The following NGEF variants were observed in gnomAD, a reference collection of about 807,000 sequenced individuals.
The protein encoded by NGEF is ephexin-1.
Under a neutral mutation model 80.9 loss-of-function variants are expected in NGEF, and 31 were observed. The observed-to-expected ratio is 0.38, with a 90% CI of 0.29 to 0.52. NGEF has a LOEUF of 0.52. NGEF is among the 20% of genes least tolerant of loss of function. The pLI is 0.84. For synonymous variants in NGEF, 371 were observed against 370.2 expected, an observed-to-expected ratio of 1.00 and a Z score of -0.03; for missense variants, 709 against 926.2, an observed-to-expected ratio of 0.77 and a Z score of 3.04.
intron 3 of NGEF, among the ~76,000 whole-genome samples, chr2:232,944,002 G>C (rs1019527608): frequency 6.6e-6 from 1 of 151,826 alleles, no homozygotes; most frequent in African/African-American, 2.4e-5. Flanking sequence ...GGAGGCCGAG[G>C]CCGGCGGATC....
At chr2:232,988,921 A>C (rs1694596507) in intron 1 of NGEF, among the ~76,000 whole-genome samples, 1 of 152,240 alleles carries the variant, frequency 6.6e-6, no homozygotes, top group Non-Finnish European at 1.5e-5. Context: ...TATATTTTGT[A>C]TGTTTCTATC....
intron 3 of NGEF, among the ~76,000 whole-genome samples, chr2:232,944,975 C>T (rs1355535032): frequency 2.6e-5 from 4 of 151,960 alleles, no homozygotes; most frequent in Non-Finnish European, 5.9e-5. Context: ...TGGTCCAGAA[C>T]TCCTGACCTC....
intron 1 of NGEF, among the ~76,000 whole-genome samples, chr2:233,002,496 A>G (rs1403919872): frequency 6.6e-6 from 1 of 152,072 alleles, no homozygotes; most frequent in Non-Finnish European, 1.5e-5. Context: ...TGGGCAACAT[A>G]GCAAGACCCT....
Position 232,974,931 on chromosome 2 carries a change from T to C in NGEF, c.-41A>G. 3.1e-6 allele frequency: 5 copies of C among 1,587,830 alleles called. No individual in the cohort carries two copies. In the South Asian group the frequency reaches 4.6e-5, roughly 15 times the overall value. Reference sequence around the variant, plus strand: ...TGTTTCTCAGCAGAACGACTGGAGGTCAATGACTTTCCCAAGCTTCACTGG... The same window carrying C: ...TGTTTCTCAGCAGAACGACTGGAGGCCAATGACTTTCCCAAGCTTCACTGG... On this transcript the variant is annotated 5_prime_UTR_variant, in exon 2 of 15. An upstream open reading frame in the 5' UTR loses its in-frame stop. Transcript: ENST00000264051.
chr2:233,007,461 A>G (rs534984254), intron 1 of NGEF, among the ~76,000 whole-genome samples: 2 of 152,212 alleles, frequency 1.3e-5, no homozygotes, highest in African/African-American at 4.8e-5. Context: ...AGTGGGGACA[A>G]CTCACAGAGA....
At chr2:232,890,958 A>G in intron 8 of NGEF, 1 of 473,004 alleles carries the variant, frequency 2.1e-6, no homozygotes, top group Non-Finnish European at 4.4e-6. Context: ...GCCTTTGCAC[A>G]AGCGGTTCCC....
intron 1 of NGEF, among the ~76,000 whole-genome samples, chr2:232,993,726 G>A (rs545185183): frequency 1.1e-4 from 17 of 152,352 alleles, no homozygotes; most frequent in African/African-American, 3.6e-4. Flanking sequence ...TACAGTGAAA[G>A]ATTATTAAGC....
At chr2:232,997,706 A>C (rs6437082) in intron 1 of NGEF, among the ~76,000 whole-genome samples, 129,958 of 152,108 alleles carry the variant, frequency 0.85, 55,607 homozygotes, top group East Asian at 0.99. Context: ...CACTGCTTCC[A>C]GCCACCCTGC....
chr2:232,974,764 G>A lies in NGEF; in HGVS notation c.127C>T (p.Gln43Ter). 6.2e-7 allele frequency: 1 copy of A among 1,614,230 alleles called. No individual in the cohort carries two copies. The highest frequency in any genetic ancestry group is 8.5e-7 in the Non-Finnish European group (1 of 1,180,044). ...ELLPEKEETS[Q>*]ADQDIQDKEP... is the part of the protein sequence containing the mutation. ...TTGTCTTGGATATCCTGGTCAGCTT[G>A]AGAAGTCTCCTCTTTTTCTGGGAGT... Residue 43 changes from glutamine to a stop codon, truncating the protein, a stop_gained, in exon 2 of 15, where the codon CAA becomes TAA. Coordinates refer to ENST00000264051, the MANE Select transcript of NGEF (RefSeq NM_019850.3). LOFTEE classifies it high-confidence loss of function.
chr2:232,954,736 A>AG lies in NGEF; in HGVS notation c.383+15477_383+15478insC, dbSNP rs1480529953. Among the ~76,000 whole-genome samples the AG allele has an allele frequency of 4.8e-4, 73 of 151,460 alleles. 2 individuals are homozygous for AG. The highest frequency in any genetic ancestry group is 8.3e-4 in the Non-Finnish European group (56 of 67,770). On this transcript the variant is annotated intron_variant, in intron 3 of 14. Coordinates refer to ENST00000264051, the MANE Select transcript of NGEF (RefSeq NM_019850.3). ...CGAGACTCCGTCTCAAAAGAAAAAA[A>AG]AAAAAAAGAGAGGAGCTCCTAATGC...
chr2:232,951,553 C>T (rs771603462), intron 3 of NGEF, among the ~76,000 whole-genome samples: 1 of 152,132 alleles, frequency 6.6e-6, no homozygotes, highest in African/African-American at 2.4e-5. Flanking sequence ...TTTACAATTG[C>T]GTGACCGGCA....
Position 232,968,093 on chromosome 2 carries a change from C to CTTTTTTTTTTTTTTTTTTTTTTT in NGEF, c.383+2120_383+2121insAAAAAAAAAAAAAAAAAAAAAAA, listed in dbSNP as rs1274944227. ...TTGCTGAGGGCAGAAACAGACCTGG[C>CTTTTTTTTTTTTTTTTTTTTTTT]TTTTTTTTTTTTGAGACAAAGTTTC... On this transcript the variant is annotated intron_variant, in intron 3 of 14. Transcript: ENST00000264051. Among the ~76,000 whole-genome samples, 64 of 125,746 alleles carry CTTTTTTTTTTTTTTTTTTTTTTT rather than the reference C, an allele frequency of 5.1e-4. 7 individuals carry two copies. The highest frequency in any genetic ancestry group is 1.6e-3 in the East Asian group (7 of 4,452). The allele number at this position is 125,746 out of a possible 152,430, so 82.5% of individuals were successfully genotyped here. A position where few individuals can be genotyped will look rare whatever the true frequency, so the allele number is the denominator to read the frequency against.
At chr2:232,985,852 T>A (rs983479567) in intron 1 of NGEF, among the ~76,000 whole-genome samples, 2 of 150,836 alleles carry the variant, frequency 1.3e-5, no homozygotes, top group Admixed American at 6.6e-5. Context: ...GGCAGGAGAA[T>A]CACTTGAATC....
intron 1 of NGEF, among the ~76,000 whole-genome samples, chr2:233,002,413 C>T (rs1217358307): frequency 2.0e-5 from 3 of 152,010 alleles, no homozygotes; most frequent in Admixed American, 1.3e-4. Context: ...CGTGGTGGCT[C>T]ATGCCTGTAA....
At chr2:232,902,788 G>A (rs1396550409) in intron 5 of NGEF, among the ~76,000 whole-genome samples, 1 of 152,144 alleles carries the variant, frequency 6.6e-6, no homozygotes, top group African/African-American at 2.4e-5. Context: ...ATCACCTGAG[G>A]CCAGGAGTTC....
At position 232,892,871 on chromosome 2, in the gene NGEF, C is replaced by T. The variant is rs766288743; in HGVS notation, c.1142+27G>A. 4 of 1,608,380 alleles carry T rather than the reference C, an allele frequency of 2.5e-6. No homozygotes were observed. The South Asian group carries it at 3.3e-5, about 13-fold the overall frequency. Reference sequence around the variant, plus strand: ...GCTGCCCCGGGCACCTCCCCCTGCCCCTGAGCCCCTTGCCGGATACACTCA... The same window carrying T: ...GCTGCCCCGGGCACCTCCCCCTGCCTCTGAGCCCCTTGCCGGATACACTCA... On this transcript the variant is annotated intron_variant, in intron 7 of 14. Coordinates refer to ENST00000264051, the MANE Select transcript of NGEF (RefSeq NM_019850.3). The surrounding 1 kb of genome is among the most constrained non-coding windows in gnomAD (Gnocchi z 4.0).
chr2:232,892,790 G>C lies in NGEF; in HGVS notation c.1142+108C>G. The C allele has an allele frequency of 1.6e-6, 2 of 1,242,758 alleles. No individual in the cohort carries two copies. Among genetic ancestry groups the C allele is most frequent in the South Asian group, 2.8e-5 (2 of 70,360 alleles). 77.0% of individuals were successfully genotyped at this position (1,242,758 alleles called of 1,614,324 possible). A position where few individuals can be genotyped will look rare whatever the true frequency, so the allele number is the denominator to read the frequency against. ...GGCTCATGTGGACCTTGGGAACGCA[G>C]AGGTAAAGGACCATGAAGTGTCACC... On this transcript the variant is annotated intron_variant, in intron 7 of 14. Coordinates refer to ENST00000264051, the MANE Select transcript of NGEF (RefSeq NM_019850.3). This position sits in a 1 kb window ranked among gnomAD's most constrained non-coding sequence, Gnocchi z 4.0.
At chr2:232,945,369 T>C (rs1174677472) in intron 3 of NGEF, among the ~76,000 whole-genome samples, 1 of 152,194 alleles carries the variant, frequency 6.6e-6, no homozygotes, top group Non-Finnish European at 1.5e-5. Flanking sequence ...CTGGTACCCA[T>C]GCTTGTGACT....
At chr2:232,938,283 T>A (rs1306553811) in intron 3 of NGEF, among the ~76,000 whole-genome samples, 2 of 152,214 alleles carry the variant, frequency 1.3e-5, no homozygotes, top group Non-Finnish European at 2.9e-5. Context: ...TGATGGTTCA[T>A]GTGTCCTTAA....
Sources: gnomAD v4.1 joint callset for allele counts (sites outside exome capture counted in the v4.1 genomes callset) on GRCh38, gnomAD v4.1.1 for gene constraint, Gnocchi (gnomAD v3.1) non-coding constraint, MANE v1.5 for transcripts, NCBI Gene and HGNC (gene_info 2026-07-23, HGNC 2026-07-21) for gene names.